PVT1: variants seen among roughly 807,000 people sequenced by gnomAD.
PVT1 encodes CXCR4/PVT1 fusion.
chr8:127,998,854 TCC>T (rs758991417), intron 4 of PVT1, among the ~76,000 whole-genome samples: 25 of 139,074 alleles, frequency 1.8e-4, no homozygotes, highest in South Asian at 9.6e-4. Context: ...CTTCCCTCCC[TCC>T]CTCTCTCTCT....
chr8:127,859,653 T>G (rs779127578), intron 2 of PVT1, among the ~76,000 whole-genome samples: 4 of 152,060 alleles, frequency 2.6e-5, no homozygotes, highest in Non-Finnish European at 5.9e-5. Flanking sequence ...ATGGCTTCTG[T>G]CTAAACGGAG....
chr8:128,018,735 C>T (rs1489808034), intron 4 of PVT1, among the ~76,000 whole-genome samples: 1 of 151,456 alleles, frequency 6.6e-6, no homozygotes, highest in South Asian at 2.1e-4. Context: ...GAGTGTGTTA[C>T]GCAGAGCCTT....
At chr8:128,055,615 AT>A (rs1452941170) in intron 4 of PVT1, among the ~76,000 whole-genome samples, 3 of 152,160 alleles carry the variant, frequency 2.0e-5, no homozygotes, top group Non-Finnish European at 4.4e-5. Context: ...AAAACAACTT[AT>A]TTTTCTCATA....
At chr8:127,972,133 T>A (rs1391018570) in intron 3 of PVT1, among the ~76,000 whole-genome samples, 1 of 152,230 alleles carries the variant, frequency 6.6e-6, no homozygotes, top group African/African-American at 2.4e-5. Flanking sequence ...AGTGTTGGGA[T>A]GGCAGCAGCA....
chr8:127,924,692 T>C (rs1816107905), intron 3 of PVT1, among the ~76,000 whole-genome samples: 1 of 152,088 alleles, frequency 6.6e-6, no homozygotes, highest in African/African-American at 2.4e-5. Context: ...TTTGTATTTT[T>C]AGTGGAGATG....
At chr8:128,008,635 C>T (rs1817275260) in intron 4 of PVT1, among the ~76,000 whole-genome samples, 1 of 152,218 alleles carries the variant, frequency 6.6e-6, no homozygotes. Context: ...CTCTGCTTCT[C>T]TCTGACATGA....
intron 2 of PVT1, among the ~76,000 whole-genome samples, chr8:127,814,510 G>A (rs1291055333): frequency 2.0e-5 from 3 of 152,204 alleles, no homozygotes; most frequent in East Asian, 1.9e-4. Context: ...TGCATGCTGG[G>A]CAATGCTCTA....
At chr8:127,880,615 TTCC>T in intron 2 of PVT1, among the ~76,000 whole-genome samples, 1 of 140,942 alleles carries the variant, frequency 7.1e-6, no homozygotes, top group African/African-American at 2.7e-5. Flanking sequence ...TTTTTTTTTT[TTCC>T]GAGATGGAGT....
intron 4 of PVT1, among the ~76,000 whole-genome samples, chr8:128,062,089 G>C (rs935649140): frequency 2.6e-5 from 4 of 152,138 alleles, no homozygotes; most frequent in Admixed American, 2.0e-4. Context: ...TAGGGAGCCT[G>C]GTTAACAACA....
intron 4 of PVT1, among the ~76,000 whole-genome samples, chr8:128,017,388 C>T (rs1290464901): frequency 6.6e-6 from 1 of 152,156 alleles, no homozygotes; most frequent in Non-Finnish European, 1.5e-5. Context: ...GTTCCTGAGA[C>T]ATGAAGAATG....
chr8:127,843,647 A>G (rs942420014), intron 2 of PVT1, among the ~76,000 whole-genome samples: 1 of 151,294 alleles, frequency 6.6e-6, no homozygotes, highest in Non-Finnish European at 1.5e-5. Context: ...CGGTTTCACC[A>G]TGTTAGCCAG....
At chr8:127,991,231 C>T (rs1274128024) in intron 4 of PVT1, among the ~76,000 whole-genome samples, 1 of 150,030 alleles carries the variant, frequency 6.7e-6, no homozygotes, top group African/African-American at 2.5e-5. Flanking sequence ...TAAGCTCCAC[C>T]TCCCGGGTTC....
chr8:128,093,324 G>A (rs1260122584), intron 5 of PVT1, among the ~76,000 whole-genome samples: 7 of 152,130 alleles, frequency 4.6e-5, no homozygotes, highest in Admixed American at 2.0e-4. Flanking sequence ...TTGGGAGGCC[G>A]AGGTGGGCGG....
intron 4 of PVT1, among the ~76,000 whole-genome samples, chr8:127,998,584 CTTTTCTTTTCTT>C (rs1293144055): frequency 8.3e-5 from 12 of 145,320 alleles, no homozygotes; most frequent in African/African-American, 2.8e-4. Context: ...CTCCCTCCCT[CTTTTCTTTTCTT>C]TTTTCTTTTC....
intron 3 of PVT1, among the ~76,000 whole-genome samples, chr8:127,918,501 C>T (rs1816018997): frequency 6.6e-6 from 1 of 152,138 alleles, no homozygotes; most frequent in African/African-American, 2.4e-5. Flanking sequence ...ACCACTAGGC[C>T]CTCAGGAATG....
intron 4 of PVT1, among the ~76,000 whole-genome samples, chr8:127,992,128 G>A (rs1200623378): frequency 2.6e-5 from 4 of 151,914 alleles, no homozygotes; most frequent in Non-Finnish European, 4.4e-5. Context: ...GCTCACGCCT[G>A]TAATTCCAGC....
chr8:127,988,118 G>GT (rs970800826), intron 3 of PVT1, among the ~76,000 whole-genome samples: 9 of 152,236 alleles, frequency 5.9e-5, no homozygotes, highest in African/African-American at 1.7e-4. Flanking sequence ...TTATGGCCAA[G>GT]TTGTTCCTTG....
At chr8:128,048,547 CT>C (rs1813647651) in intron 4 of PVT1, 1 of 152,212 alleles carries the variant, frequency 6.6e-6, no homozygotes, top group Admixed American at 6.5e-5. Context: ...TCTGACTTCG[CT>C]GATTAAGTGG....
rs79922987 is a variant in PVT1, at chr8:127,987,408, C to T, written n.783-1754C>T. Among the ~76,000 whole-genome samples, 605 of 152,008 alleles carry T rather than the reference C, an allele frequency of 4.0e-3. 2 individuals are homozygous for T. The highest frequency in any genetic ancestry group is 7.6e-3 in the Non-Finnish European group (514 of 67,956). Reference sequence around the variant, plus strand: ...CCAATCTCATTGCCTTCATTTGCTCCCTTGGCCCCATGTGCTGAGTCCCTA... The same window carrying T: ...CCAATCTCATTGCCTTCATTTGCTCTCTTGGCCCCATGTGCTGAGTCCCTA... On this transcript the variant is annotated intron_variant and non_coding_transcript_variant, in intron 3 of 10. Coordinates refer to ENST00000651587, the Ensembl canonical transcript of PVT1.
Sources: gnomAD v4.1 joint callset for allele counts (sites outside exome capture counted in the v4.1 genomes callset) on GRCh38, gnomAD v4.1.1 for gene constraint, MANE v1.5 for transcripts, NCBI Gene and HGNC (gene_info 2026-07-23, HGNC 2026-07-21) for gene names.